Variants in OSBPL6 observed in about 807,000 individuals in gnomAD.
The protein encoded by OSBPL6 is oxysterol binding protein like 6.
A neutral mutation model predicts 125.8 loss-of-function variants in OSBPL6; 49 were observed. That is an observed-to-expected ratio of 0.39 (90% CI 0.31 to 0.49). The LOEUF (loss-of-function observed/expected upper bound fraction) is 0.49, where lower values mean the gene tolerates loss of function less well. Ranked by LOEUF, OSBPL6 falls within the 20% of genes least tolerant of loss-of-function variation. OSBPL6 has a pLI of 0.88. For missense variants in OSBPL6, 986 were observed against 1,135.4 expected, an observed-to-expected ratio of 0.87 and a Z score of 1.89; for synonymous variants, 394 against 391.8, an observed-to-expected ratio of 1.01 and a Z score of -0.07.
intron 12 of OSBPL6, among the ~76,000 whole-genome samples, chr2:178,356,429 T>C (rs1190034823): frequency 6.6e-6 from 1 of 152,112 alleles, no homozygotes; most frequent in East Asian, 1.9e-4. Context: ...TCACAAGCAT[T>C]CCTATACACC....
At chr2:178,244,209 T>C (rs994780177) in intron 1 of OSBPL6, among the ~76,000 whole-genome samples, 5 of 152,220 alleles carry the variant, frequency 3.3e-5, no homozygotes, top group Non-Finnish European at 5.9e-5. Flanking sequence ...TCCCTCTGTC[T>C]GGAGTGTCCC....
chr2:178,297,663 A>G (rs1181129948), intron 2 of OSBPL6, among the ~76,000 whole-genome samples: 1 of 152,234 alleles, frequency 6.6e-6, no homozygotes, highest in Non-Finnish European at 1.5e-5. Flanking sequence ...AAATAAATAC[A>G]GTGCAGTATA....
chr2:178,301,708 T>C (rs886084838), intron 2 of OSBPL6, among the ~76,000 whole-genome samples: 12 of 152,174 alleles, frequency 7.9e-5, no homozygotes, highest in Non-Finnish European at 4.4e-5. Flanking sequence ...TGACTCGTTT[T>C]GGCCAATAAA....
chr2:178,246,401 C>T (rs1052331010), intron 1 of OSBPL6, among the ~76,000 whole-genome samples: 1 of 152,184 alleles, frequency 6.6e-6, no homozygotes, highest in Non-Finnish European at 1.5e-5. Context: ...CTTTCTGCTT[C>T]TGTGACTTCC....
intron 1 of OSBPL6, among the ~76,000 whole-genome samples, chr2:178,279,094 C>A (rs2092526843): frequency 6.6e-6 from 1 of 152,132 alleles, no homozygotes; most frequent in African/African-American, 2.4e-5. Flanking sequence ...GATAACTCTT[C>A]TGGTTGTCTT....
chr2:178,390,365 A>G (rs908019326), intron 21 of OSBPL6, among the ~76,000 whole-genome samples: 2 of 152,130 alleles, frequency 1.3e-5, no homozygotes, highest in East Asian at 1.9e-4. Context: ...TCATACACAC[A>G]TATACAGGCA....
At chr2:178,204,872 TC>T (rs778271328) in intron 1 of OSBPL6, among the ~76,000 whole-genome samples, 2 of 152,168 alleles carry the variant, frequency 1.3e-5, no homozygotes, top group Non-Finnish European at 2.9e-5. Context: ...ATTGACTGAT[TC>T]CTTTTTGCTA....
In OSBPL6 at chr2:178,394,298, C is replaced by T. The variant is rs768772053; in HGVS notation, c.2574-15C>T. ...AGAGGATAATATGTTAAAATATCAACTGCTTTCTGCTTAGATTTTTGGAAG... is the reference window on the plus strand; with the variant it reads ...AGAGGATAATATGTTAAAATATCAATTGCTTTCTGCTTAGATTTTTGGAAG... On this transcript the variant is annotated splice_polypyrimidine_tract_variant and intron_variant, in intron 23 of 24. Coordinates refer to ENST00000190611, the MANE Select transcript of OSBPL6 (RefSeq NM_032523.4). 1 of 1,607,010 alleles carries T rather than the reference C, an allele frequency of 6.2e-7. No individual in the cohort carries two copies. The highest frequency in any genetic ancestry group is 8.5e-7 in the Non-Finnish European group (1 of 1,178,422).
chr2:178,306,540 T>C (rs1183205426), intron 3 of OSBPL6, among the ~76,000 whole-genome samples: 1 of 152,134 alleles, frequency 6.6e-6, no homozygotes, highest in Non-Finnish European at 1.5e-5. Context: ...TGCCGTCTTT[T>C]CCTCCCTGCA....
rs1161291727 is a variant in OSBPL6 at position 178,202,850 on chromosome 2, G to T, written c.-351+8176G>T. On this transcript the variant is annotated intron_variant, in intron 1 of 24. Coordinates refer to ENST00000190611, the MANE Select transcript of OSBPL6 (RefSeq NM_032523.4). Reference sequence around the variant, plus strand: ...AAAAAAAAAAAGAAAGAAAGAAAAAGATTCTTTTTATCATTGGTGTTGAGT... The same window carrying T: ...AAAAAAAAAAAGAAAGAAAGAAAAATATTCTTTTTATCATTGGTGTTGAGT... Among the ~76,000 whole-genome samples the T allele has an allele frequency of 7.3e-5, 11 of 151,062 alleles. No individual in the cohort carries two copies. In the East Asian group the frequency reaches 1.9e-3, roughly 27 times the overall value.
intron 10 of OSBPL6, 86 bp downstream of exon 10, chr2:178,339,180 C>A: frequency 1.4e-6 from 1 of 735,202 alleles, no homozygotes; most frequent in Non-Finnish European, 2.1e-6. Context: ...TATAAGGTAA[C>A]ATTTAAAGAT....
chr2:178,193,819 C>A (rs959534718), upstream of OSBPL6, among the ~76,000 whole-genome samples: 3 of 152,168 alleles, frequency 2.0e-5, no homozygotes, highest in East Asian at 5.8e-4. Flanking sequence ...TGACTTTGAT[C>A]GGCTTTGCCA....
chr2:178,213,393 A>G (rs1467485614), intron 1 of OSBPL6, among the ~76,000 whole-genome samples: 2 of 151,982 alleles, frequency 1.3e-5, no homozygotes, highest in African/African-American at 4.8e-5. Flanking sequence ...TGTCCCTCCC[A>G]AATCCACCCT....
intron 16 of OSBPL6, 112 bp downstream of exon 16, chr2:178,382,619 T>A: frequency 6.5e-7 from 1 of 1,546,416 alleles, no homozygotes; most frequent in Non-Finnish European, 8.7e-7. Flanking sequence ...TGCTAATTGT[T>A]CTTTTGGCAG....
intron 1 of OSBPL6, among the ~76,000 whole-genome samples, chr2:178,268,875 A>G (rs1318694309): frequency 6.6e-6 from 1 of 151,516 alleles, no homozygotes; most frequent in Non-Finnish European, 1.5e-5. Context: ...ACGCCTGCCC[A>G]TTTTTTCCTC....
chr2:178,249,830 T>G (rs1011319577), intron 1 of OSBPL6, among the ~76,000 whole-genome samples: 6 of 146,146 alleles, frequency 4.1e-5, no homozygotes, highest in Admixed American at 4.0e-4. Flanking sequence ...TAGAAGTGTT[T>G]TTTTTTTTTT....
rs947638022 is a variant in OSBPL6 at position 178,402,638 on chromosome 2, T to C, written c.*7079T>C. On this transcript the variant is annotated 3_prime_UTR_variant, in exon 25 of 25. Coordinates refer to ENST00000190611, the MANE Select transcript of OSBPL6 (RefSeq NM_032523.4). ...ATATTAGAAGGTATGAAGACAGTAG[T>C]TATGTACTGTTCGTTTGCATACGGT... 1.3e-5 allele frequency: 2 copies of C among 152,240 alleles called. No individual in the cohort carries two copies. Among genetic ancestry groups the C allele is most frequent in the African/African-American group, 4.8e-5 (2 of 41,450 alleles). 9.4% of individuals were successfully genotyped at this position (152,240 alleles called of 1,614,324 possible). A position where few individuals can be genotyped will look rare whatever the true frequency, so the allele number is the denominator to read the frequency against.
intron 12 of OSBPL6, among the ~76,000 whole-genome samples, chr2:178,354,805 C>G (rs1314343950): frequency 6.6e-6 from 1 of 152,184 alleles, no homozygotes; most frequent in Non-Finnish European, 1.5e-5. Context: ...CACCACATCA[C>G]ACTTATTCTA....
chr2:178,309,590 C>T (rs1687084011), intron 3 of OSBPL6, among the ~76,000 whole-genome samples: 1 of 152,156 alleles, frequency 6.6e-6, no homozygotes, highest in South Asian at 2.1e-4. Flanking sequence ...GACTCAGTGC[C>T]CCTGTGATCT....
Sources: allele counts gnomAD v4.1 joint callset (sites outside exome capture counted in the v4.1 genomes callset), GRCh38; gene constraint gnomAD v4.1.1; transcripts MANE v1.5; gene names NCBI Gene and HGNC (gene_info 2026-07-23, HGNC 2026-07-21).